CLSPN: variants seen among roughly 807,000 people sequenced by gnomAD.
CLSPN encodes claspin.
A neutral mutation model predicts 156.3 loss-of-function variants in CLSPN; 85 were observed. That is an observed-to-expected ratio of 0.54 (90% CI 0.46 to 0.65). The LOEUF (loss-of-function observed/expected upper bound fraction) is 0.65. CLSPN is among the 30% of genes least tolerant of loss of function. CLSPN has a pLI of 0.00. For synonymous variants in CLSPN, 534 were observed against 542.4 expected, an observed-to-expected ratio of 0.98 and a Z score of 0.22; for missense variants, 1,407 against 1,554.9, an observed-to-expected ratio of 0.90 and a Z score of 1.60.
chr1:35,743,333 CT>C, intron 17 of CLSPN, 92 bp from the exon 18 acceptor site: 1 of 1,375,950 alleles, frequency 7.3e-7, no homozygotes, highest in Non-Finnish European at 1.0e-6. Flanking sequence ...ATACCTCATT[CT>C]AGGAAATTGT....
At chr1:35,742,344 G>A (rs1344676600) in intron 18 of CLSPN, among the ~76,000 whole-genome samples, 1 of 152,114 alleles carries the variant, frequency 6.6e-6, no homozygotes, top group Non-Finnish European at 1.5e-5. Context: ...GTAAAATGAG[G>A]AGAATAATAG....
chr1:35,732,424 G>C lies in CLSPN; in HGVS notation c.*4072C>G, dbSNP rs558035881. 8 of 985,410 alleles carry C rather than the reference G, an allele frequency of 8.1e-6. No homozygotes were observed. The South Asian group carries it at 2.8e-4, about 35-fold the overall frequency. 61.0% of individuals were successfully genotyped at this position (985,410 alleles called of 1,614,324 possible). ...GTGAGGAGAAGTTTGTAGAGAAGCA[G>C]TTGAGAAAATGAGGGATGCCACAGA... On this transcript the variant is annotated 3_prime_UTR_variant, in exon 25 of 25. Transcript: ENST00000318121.
chr1:35,728,196 C>T (rs1641237269), downstream of CLSPN, among the ~76,000 whole-genome samples: 1 of 151,290 alleles, frequency 6.6e-6, no homozygotes, highest in Admixed American at 6.6e-5. Flanking sequence ...GATTTCCTAC[C>T]TCAGCCTCCC....
At position 35,753,889 on chromosome 1, in the gene CLSPN, C is replaced by T. The variant is rs779431980; in HGVS notation, c.1627G>A (p.Ala543Thr). The T allele has an allele frequency of 6.2e-7, 1 of 1,614,102 alleles. No individual in the cohort carries two copies. The highest frequency in any genetic ancestry group is 1.7e-5 in the Admixed American group (1 of 60,006). ...QRFWKHANPA[A>T]KPRAGQTVNV... ...ACTGTCTGACCAGCCCTGGGTTTGG[C>T]TGCTGGATTAGCATGCTTCCAGAAA... The change falls in exon 9 of 25, where the codon GCC (alanine) becomes ACC (threonine). Residue 543 changes from alanine to threonine, a missense_variant. Ala to Thr is a moderately conservative substitution (Grantham distance 58). This residue lies in a region of CLSPN where 1,096 missense variants were observed against 1,193.0 expected (regional missense o/e 0.92). Coordinates refer to ENST00000318121, the MANE Select transcript of CLSPN (RefSeq NM_022111.4).
chr1:35,767,848 G>C (rs1328296917), intron 1 of CLSPN, among the ~76,000 whole-genome samples: 1 of 152,134 alleles, frequency 6.6e-6, no homozygotes, highest in Non-Finnish European at 1.5e-5. Context: ...CGGTTGTATA[G>C]GTTTGAAAAT....
At chr1:35,747,182 C>T (rs1323575357) in intron 14 of CLSPN, among the ~76,000 whole-genome samples, 190 bp from the exon 15 acceptor site, 4 of 151,928 alleles carry the variant, frequency 2.6e-5, no homozygotes, top group Non-Finnish European at 4.4e-5. Flanking sequence ...ATTAGCCGGG[C>T]GTGGTGGTGG....
downstream of CLSPN, among the ~76,000 whole-genome samples, chr1:35,731,219 A>G (rs1641309865): frequency 6.6e-6 from 1 of 151,758 alleles, no homozygotes. Flanking sequence ...AAAAAGAAAG[A>G]AAGAAAAAAG....
At chr1:35,768,180 C>T (rs992758164) in intron 1 of CLSPN, among the ~76,000 whole-genome samples, 2 of 152,018 alleles carry the variant, frequency 1.3e-5, no homozygotes, top group African/African-American at 4.8e-5. Flanking sequence ...CTAGCCTGGC[C>T]AATACAGTAA....
intron 18 of CLSPN, among the ~76,000 whole-genome samples, chr1:35,741,908 A>C (rs988766726): frequency 8.1e-6 from 1 of 122,772 alleles, no homozygotes; most frequent in African/African-American, 3.1e-5. Flanking sequence ...CGGGAGGCGG[A>C]GGTTGCAGTG....
Position 35,751,765 on chromosome 1 carries a change from C to A in CLSPN, c.1772-259G>T, listed in dbSNP as rs112906154. Among the ~76,000 whole-genome samples, 14 of 149,124 alleles carry A rather than the reference C, an allele frequency of 9.4e-5. 1 individual carries two copies. Among genetic ancestry groups the A allele is most frequent in the Admixed American group, 8.7e-4 (13 of 14,928 alleles). ...GAGAAAAGGTGGGTAGGGAGTAGAGCTTCAAGTCTGTGGCTCAAAAGCCAT... is the reference window on the plus strand; with the variant it reads ...GAGAAAAGGTGGGTAGGGAGTAGAGATTCAAGTCTGTGGCTCAAAAGCCAT... On this transcript the variant is annotated intron_variant, in intron 9 of 24. Coordinates refer to ENST00000318121, the MANE Select transcript of CLSPN (RefSeq NM_022111.4).
chr1:35,769,899 G>C lies in CLSPN; in HGVS notation c.-29C>G. The stretch of plus-strand genomic sequence containing the variant: ...TTCTGCCTCCCCTGCGCTCCACTAG[G>C]GACGGAGCTGTCTCTGATTCCCTCA... On this transcript the variant is annotated 5_prime_UTR_variant, in exon 1 of 25. Coordinates refer to ENST00000318121, the MANE Select transcript of CLSPN (RefSeq NM_022111.4). The C allele has an allele frequency of 6.2e-7, 1 of 1,607,846 alleles. No individual in the cohort carries two copies. The highest frequency in any genetic ancestry group is 8.5e-7 in the Non-Finnish European group (1 of 1,176,904).
At position 35,763,211 on chromosome 1, in the gene CLSPN, CTCT is replaced by C; in HGVS notation, c.690_692del (p.Glu231del). 1.2e-6 allele frequency: 2 copies of C among 1,607,656 alleles called. No homozygotes were observed. The highest frequency in any genetic ancestry group is 1.7e-6 in the Non-Finnish European group (2 of 1,178,210). ...CAGCTGCTCTTATTGATTCTAATGACTCTTCATCTTCCAATGGAGAGTTATTTT... is the reference window on the plus strand; with the variant it reads ...CAGCTGCTCTTATTGATTCTAATGACTCATCTTCCAATGGAGAGTTATTTT... On this transcript the variant is annotated inframe_deletion, in exon 4 of 25. Transcript: ENST00000318121.
downstream of CLSPN, among the ~76,000 whole-genome samples, chr1:35,729,636 C>T (rs1641270292): frequency 1.3e-5 from 2 of 152,148 alleles, no homozygotes; most frequent in Non-Finnish European, 2.9e-5. Flanking sequence ...TCTATCTCCC[C>T]AGTTCACTGG....
downstream of CLSPN, among the ~76,000 whole-genome samples, chr1:35,731,210 AAAAG>A (rs540124876): frequency 4.9e-4 from 75 of 152,036 alleles, no homozygotes; most frequent in Middle Eastern, 3.4e-3. Context: ...AAAAAAAAAA[AAAAG>A]AAAGAAAGAA....
At chr1:35,730,601 A>T (rs1017512368), downstream of CLSPN, among the ~76,000 whole-genome samples, 1 of 150,484 alleles carries the variant, frequency 6.6e-6, no homozygotes, top group African/African-American at 2.4e-5. Context: ...AGAACAAGAA[A>T]CTCAAACAGA....
rs1376392283 is a variant in CLSPN at position 35,732,169 on chromosome 1, T to C, written c.*4327A>G. ...GTAGGCACCACTACATTCCAAGCTG[T>C]GTGCCAGGCGATGAGTAGGATATAA... On this transcript the variant is annotated 3_prime_UTR_variant, in exon 25 of 25. Transcript: ENST00000318121. The C allele has an allele frequency of 2.0e-6, 2 of 985,240 alleles. No homozygotes were observed. The highest frequency in any genetic ancestry group is 3.5e-5 in the African/African-American group (2 of 57,218). The allele number at this position is 985,240 out of a possible 1,614,324, so 61.0% of individuals were successfully genotyped here.
rs756765732 is a variant in CLSPN at position 35,734,932 on chromosome 1, T to C, written c.*1564A>G. 5.1e-6 allele frequency: 5 copies of C among 985,430 alleles called. No homozygotes were observed. The highest frequency in any genetic ancestry group is 6.0e-6 in the Non-Finnish European group (5 of 829,922). 61.0% of individuals were successfully genotyped at this position (985,430 alleles called of 1,614,324 possible). ...ACATTTGTCTAAAATTCTGAGAAGC[T>C]TGTGGTAGTTCAGGGAAAATGGAGA... On this transcript the variant is annotated 3_prime_UTR_variant, in exon 25 of 25. Coordinates refer to ENST00000318121, the MANE Select transcript of CLSPN (RefSeq NM_022111.4).
chr1:35,749,236 C>T (rs887539102), intron 12 of CLSPN, among the ~76,000 whole-genome samples: 2 of 152,180 alleles, frequency 1.3e-5, no homozygotes, highest in African/African-American at 4.8e-5. Context: ...TCATTGCTCA[C>T]TCAATCAACA....
chr1:35,736,710 G>GA (rs1203353410), intron 24 of CLSPN, 104 bp from the exon 25 acceptor site: 6 of 1,451,296 alleles, frequency 4.1e-6, no homozygotes, highest in Non-Finnish European at 5.5e-6. Flanking sequence ...ATTAACAACA[G>GA]AAAAAAAGAA....
Sources: gnomAD v4.1 joint callset for allele counts (sites outside exome capture counted in the v4.1 genomes callset) on GRCh38, gnomAD v4.1.1 for gene constraint, gnomAD v4.1.1 regional missense constraint, MANE v1.5 for transcripts, NCBI Gene and HGNC (gene_info 2026-07-23, HGNC 2026-07-21) for gene names.